Variants in PRCP observed in about 807,000 individuals in gnomAD.
PRCP encodes the protein lysosomal Pro-X carboxypeptidase.
In PRCP, 46 loss-of-function variants were observed where a neutral mutation model predicts 54.2. The ratio of observed to expected loss-of-function variants is 0.85; its 90% CI spans 0.67 to 1.09. The LOEUF (loss-of-function observed/expected upper bound fraction) is 1.09. PRCP is among the 50% of genes least tolerant of loss of function. The pLI is 0.00. For synonymous variants in PRCP, 240 were observed against 212.2 expected (o/e 1.13, Z -1.14); for missense variants, 613 against 596.8 (o/e 1.03, Z -0.28).
At chr11:82,848,293 C>T (rs565222203) in intron 6 of PRCP, among the ~76,000 whole-genome samples, 2 of 152,260 alleles carry the variant, frequency 1.3e-5, no homozygotes, top group Admixed American at 6.5e-5. Flanking sequence ...AATGAACATA[C>T]ACAATAAATA....
Position 82,872,726 on chromosome 11 carries a change from C to T in PRCP, c.169-12609G>A, listed in dbSNP as rs1424327966. ...CACCCTGACTTTGGACTTCTGGCCT[C>T]GGGAAGTGAGAGGATAAACTTCTAT... On this transcript the variant is annotated intron_variant, in intron 1 of 8. Transcript: ENST00000313010. 3.9e-5 allele frequency among the ~76,000 whole-genome samples: 6 copies of T among 152,118 alleles called. No individual in the cohort carries two copies. In the East Asian group the frequency reaches 1.2e-3, roughly 29 times the overall value.
intron 8 of PRCP, chr11:82,831,573 G>A (rs1462505441): frequency 6.6e-6 from 1 of 152,118 alleles, no homozygotes. Context: ...TGACTTCAAA[G>A]CCTTAACAGA....
chr11:82,825,424 A>G (rs1858203341), intron 8 of PRCP: 1 of 312,394 alleles, frequency 3.2e-6, no homozygotes, highest in East Asian at 8.2e-5. Flanking sequence ...TGATTTCATT[A>G]TTCAAAAGTT....
chr11:82,851,444 C>A (rs10898038), intron 3 of PRCP, among the ~76,000 whole-genome samples: 3 of 148,514 alleles, frequency 2.0e-5, no homozygotes, highest in African/African-American at 4.9e-5. Context: ...CCCTTAACTG[C>A]AGCCTCTTGT....
intron 6 of PRCP, among the ~76,000 whole-genome samples, chr11:82,848,177 C>T (rs1858854603): frequency 6.6e-6 from 1 of 152,222 alleles, no homozygotes; most frequent in Non-Finnish European, 1.5e-5. Flanking sequence ...ACTTCCAACA[C>T]TCATTCTAGC....
At chr11:82,836,904 C>A in intron 8 of PRCP, 1 of 384,578 alleles carries the variant, frequency 2.6e-6, no homozygotes, top group Non-Finnish European at 5.2e-6. Context: ...CGGTAATAAC[C>A]AACTTGTAAT....
intron 5 of PRCP, among the ~76,000 whole-genome samples, chr11:82,849,465 C>G (rs1421991639): frequency 3.3e-5 from 5 of 152,102 alleles, no homozygotes; most frequent in African/African-American, 9.7e-5. Context: ...AATAGGAACA[C>G]TATAGAACAA....
intron 1 of PRCP, among the ~76,000 whole-genome samples, chr11:82,876,355 C>T (rs954458620): frequency 3.6e-4 from 55 of 152,218 alleles, no homozygotes; most frequent in African/African-American, 1.2e-3. Flanking sequence ...TCAAAAAGTA[C>T]TCCCAGTGAC....
At chr11:82,897,811 G>A (rs1164216582) in intron 1 of PRCP, among the ~76,000 whole-genome samples, 1 of 152,160 alleles carries the variant, frequency 6.6e-6, no homozygotes, top group African/African-American at 2.4e-5. Context: ...TAAGACCATG[G>A]GCTAAGCCTT....
At chr11:82,825,882 T>G (rs1213966767) in intron 8 of PRCP, 16 of 152,236 alleles carry the variant, frequency 1.1e-4, no homozygotes. Context: ...AATCAGTCAC[T>G]GAAACTGAGT....
intron 1 of PRCP, among the ~76,000 whole-genome samples, chr11:82,897,060 T>C (rs181163913): frequency 1.3e-5 from 2 of 152,282 alleles, no homozygotes; most frequent in Admixed American, 1.3e-4. Context: ...CATGCAACAT[T>C]GTAACCACAA....
At chr11:82,827,319 C>T (rs1233194000) in intron 8 of PRCP, 2 of 152,020 alleles carry the variant, frequency 1.3e-5, no homozygotes, top group African/African-American at 4.8e-5. Flanking sequence ...GTATGGTATC[C>T]AAGAAACTGG....
intron 5 of PRCP, among the ~76,000 whole-genome samples, 165 bp downstream of exon 5, chr11:82,849,749 T>C (rs1289713991): frequency 6.6e-6 from 1 of 152,244 alleles, no homozygotes; most frequent in Non-Finnish European, 1.5e-5. Context: ...CCTTGCTTTG[T>C]GAAAATTCAT....
Position 82,849,130 on chromosome 11 carries a change from A to C in PRCP, c.840T>G (p.Ser280=). Residue 280 remains serine (S), a synonymous_variant, in exon 6 of 9, where the codon TCT becomes TCG. Transcript: ENST00000313010. ...QDIQHLKDWI[S]ETWVNLAMVD... is the part of the protein sequence containing the mutation. Reference sequence around the variant, plus strand: ...CCATTGCCAGATTCACCCAGGTTTCAGAGATCCAGTCTTTCAAATGTTGGA... The same window carrying C: ...CCATTGCCAGATTCACCCAGGTTTCCGAGATCCAGTCTTTCAAATGTTGGA... The C allele has an allele frequency of 6.2e-7, 1 of 1,614,160 alleles. No individual in the cohort carries two copies. Among genetic ancestry groups the C allele is most frequent in the Non-Finnish European group, 8.5e-7 (1 of 1,179,966 alleles).
At chr11:82,887,697 C>T (rs1390645980) in intron 1 of PRCP, among the ~76,000 whole-genome samples, 1 of 152,178 alleles carries the variant, frequency 6.6e-6, no homozygotes, top group Non-Finnish European at 1.5e-5. Flanking sequence ...GACCCTTCTT[C>T]CTGAAAGCCA....
At chr11:82,890,414 C>G (rs1244858026) in intron 1 of PRCP, among the ~76,000 whole-genome samples, 1 of 152,178 alleles carries the variant, frequency 6.6e-6, no homozygotes, top group Non-Finnish European at 1.5e-5. Flanking sequence ...CCCAGTTTGA[C>G]TATGGTCAAA....
At chr11:82,842,593 C>A (rs552069140) in intron 6 of PRCP, among the ~76,000 whole-genome samples, 1 of 152,274 alleles carries the variant, frequency 6.6e-6, no homozygotes, top group South Asian at 2.1e-4. Context: ...ACCCTTGGGG[C>A]TAAATCTTTC....
intron 1 of PRCP, among the ~76,000 whole-genome samples, chr11:82,883,561 T>C (rs949705276): frequency 6.6e-6 from 1 of 152,348 alleles, no homozygotes; most frequent in East Asian, 1.9e-4. Flanking sequence ...ATATTTGCAT[T>C]GTCTAAGCCT....
intron 1 of PRCP, among the ~76,000 whole-genome samples, chr11:82,897,826 G>A (rs1172302846): frequency 1.3e-5 from 2 of 152,204 alleles, no homozygotes; most frequent in Non-Finnish European, 2.9e-5. Flanking sequence ...AGCCTTCTTA[G>A]AGACCACTCC....
Sources: allele counts gnomAD v4.1 joint callset (sites outside exome capture counted in the v4.1 genomes callset), GRCh38; gene constraint gnomAD v4.1.1; transcripts MANE v1.5; gene names NCBI Gene and HGNC (gene_info 2026-07-23, HGNC 2026-07-21).